The following FAM131B variants were observed in gnomAD, a reference collection of about 807,000 sequenced individuals.
FAM131B encodes protein FAM131B.
Under a neutral mutation model 42.0 loss-of-function variants are expected in FAM131B, and 19 were observed. The ratio of observed to expected loss-of-function variants is 0.45; its 90% CI spans 0.32 to 0.66. The LOEUF is 0.66. Among genes scored for constraint, FAM131B ranks in the 30% least tolerant of loss-of-function variants. FAM131B has a pLI of 0.05. For missense variants in FAM131B, 370 were observed against 468.4 expected, an observed-to-expected ratio of 0.79 and a Z score of 1.94; for synonymous variants, 183 against 177.6, an observed-to-expected ratio of 1.03 and a Z score of -0.24.
chr7:143,379,607 G>T, the FAM131B span: 2 of 152,208 alleles, frequency 1.3e-5, no homozygotes, highest in African/African-American at 4.8e-5. Flanking sequence ...GACATATGGG[G>T]GAAAACGCCT....
chr7:143,360,268 C>A, intron 1 of FAM131B, 119 bp from the exon 2 acceptor site: 1 of 1,492,410 alleles, frequency 6.7e-7, no homozygotes. Context: ...TCTTATATCC[C>A]TGCACTCTCC....
the FAM131B span, chr7:143,380,729 CAG>C: frequency 2.0e-6 from 2 of 985,474 alleles, no homozygotes; most frequent in South Asian, 4.7e-5. The surrounding 1 kb of genome is among the most constrained non-coding windows in gnomAD (Gnocchi z 5.0). Flanking sequence ...CCTCCGGGCA[CAG>C]AGTCAGCTGG....
chr7:143,362,936 C>G (rs867485874), upstream of FAM131B, among the ~76,000 whole-genome samples: 41 of 151,964 alleles, frequency 2.7e-4, no homozygotes, highest in Middle Eastern at 3.4e-3. This position sits in a 1 kb window ranked among gnomAD's most constrained non-coding sequence, Gnocchi z 7.7. Context: ...TCGCCGCCCC[C>G]CTCCTCCCGC....
At chr7:143,380,906 C>A in the FAM131B span, 1 of 571,192 alleles carries the variant, frequency 1.8e-6, no homozygotes, top group African/African-American at 2.0e-5. The surrounding 1 kb of genome is among the most constrained non-coding windows in gnomAD (Gnocchi z 5.0). Context: ...GGTCGCTGGG[C>A]CGGGCCGGAG....
At chr7:143,364,660 A>G (rs933683912), upstream of FAM131B, among the ~76,000 whole-genome samples, 1 of 151,982 alleles carries the variant, frequency 6.6e-6, no homozygotes, top group African/African-American at 2.4e-5. Flanking sequence ...GTCCCTCCCC[A>G]CTACCCACAC....
chr7:143,373,511 A>C, the FAM131B span, among the ~76,000 whole-genome samples: 2 of 152,218 alleles, frequency 1.3e-5, no homozygotes, highest in Non-Finnish European at 2.9e-5. Flanking sequence ...TATAGCAATG[A>C]GAGTTCAAAG....
chr7:143,381,636 C>T, the FAM131B span: 4 of 1,612,380 alleles, frequency 2.5e-6, no homozygotes, highest in East Asian at 8.9e-5. Context: ...TTTTACGCCC[C>T]GCAGAAGAAG....
At chr7:143,373,617 A>T in the FAM131B span, among the ~76,000 whole-genome samples, 1 of 152,150 alleles carries the variant, frequency 6.6e-6, no homozygotes, top group Non-Finnish European at 1.5e-5. Context: ...GATCCAGGTT[A>T]GAATAAGAAG....
chr7:143,360,556 G>A (rs1462474264), intron 1 of FAM131B: 2 of 291,002 alleles, frequency 6.9e-6, no homozygotes, highest in African/African-American at 2.3e-5. Context: ...TGGAAGGGAT[G>A]TGTCTCCCCC....
At chr7:143,368,581 A>G in the FAM131B span, among the ~76,000 whole-genome samples, 3 of 152,286 alleles carry the variant, frequency 2.0e-5, no homozygotes, top group Non-Finnish European at 4.4e-5. Flanking sequence ...CTGTATGCAC[A>G]TTCCTCTAGG....
the FAM131B span, among the ~76,000 whole-genome samples, chr7:143,370,240 C>A: frequency 2.0e-5 from 3 of 152,134 alleles, no homozygotes; most frequent in Admixed American, 6.5e-5. Context: ...TCTCTCACAG[C>A]CAAAATTTTT....
At position 143,359,889 on chromosome 7, in the gene FAM131B, C is replaced by T; in HGVS notation, c.139-122G>A. 1 of 1,062,254 alleles carries T rather than the reference C, an allele frequency of 9.4e-7. No individual in the cohort carries two copies. 65.8% of individuals were successfully genotyped at this position (1,062,254 alleles called of 1,614,324 possible). On this transcript the variant is annotated intron_variant, in intron 2 of 6. Transcript: ENST00000443739. The surrounding 1 kb of genome is among the most constrained non-coding windows in gnomAD (Gnocchi z 5.4). ...GGGGAGGGCTTTCCTGAGGTTGATG[C>T]CGCTAACTGGGTTCTCCATGTGGAC...
the FAM131B span, among the ~76,000 whole-genome samples, chr7:143,375,579 C>G: frequency 6.6e-6 from 1 of 152,170 alleles, no homozygotes; most frequent in East Asian, 1.9e-4. Context: ...CAGAAGCACC[C>G]ACTTCCTGTG....
the FAM131B span, among the ~76,000 whole-genome samples, chr7:143,371,582 C>A: frequency 7.2e-6 from 1 of 138,364 alleles, no homozygotes; most frequent in Non-Finnish European, 1.5e-5. Context: ...CCATTGCACT[C>A]CAGCCTGGGC....
At chr7:143,382,125 T>G in the FAM131B span, 1 of 855,204 alleles carries the variant, frequency 1.2e-6, no homozygotes, top group Non-Finnish European at 1.8e-6. Context: ...CCTCCTTTGC[T>G]TCCCCACACG....
Position 143,356,324 on chromosome 7 carries a change from CG to C in FAM131B, c.*225del. On this transcript the variant is annotated 3_prime_UTR_variant, in exon 7 of 7. Coordinates refer to ENST00000443739, the MANE Select transcript of FAM131B (RefSeq NM_001031690.3). This position sits in a 1 kb window ranked among gnomAD's most constrained non-coding sequence, Gnocchi z 4.4. Reference sequence around the variant, plus strand: ...CTTCTCCACAGCCACACCAAGCTCACGGCCATCTAGTTGCCCAGGTCTCAGT... The same window carrying C: ...CTTCTCCACAGCCACACCAAGCTCACGCCATCTAGTTGCCCAGGTCTCAGT... 1 of 547,710 alleles carries C rather than the reference CG, an allele frequency of 1.8e-6. No homozygotes were observed. The highest frequency in any genetic ancestry group is 3.3e-6 in the Non-Finnish European group (1 of 306,266). 33.9% of individuals were successfully genotyped at this position (547,710 alleles called of 1,614,324 possible).
At position 143,356,228 on chromosome 7, in the gene FAM131B, C is replaced by T. The variant is rs979292753; in HGVS notation, c.*322G>A. 1 of 351,286 alleles carries T rather than the reference C, an allele frequency of 2.8e-6. No homozygotes were observed. Among genetic ancestry groups the T allele is most frequent in the African/African-American group, 2.1e-5 (1 of 48,654 alleles). 21.8% of individuals were successfully genotyped at this position (351,286 alleles called of 1,614,324 possible). A position where few individuals can be genotyped will look rare whatever the true frequency, so the allele number is the denominator to read the frequency against. ...AGATCCAGTCTTGAGCACAGCTGCG[C>T]TGCCCCCGTCCTCAGGGTGCACACA... On this transcript the variant is annotated 3_prime_UTR_variant, in exon 7 of 7. Transcript: ENST00000443739. The surrounding 1 kb of genome is among the most constrained non-coding windows in gnomAD (Gnocchi z 4.4).
chr7:143,381,700 C>T, the FAM131B span: 1,540 of 1,605,438 alleles, frequency 9.6e-4, 2 homozygotes, highest in Admixed American at 1.4e-3. Flanking sequence ...GGCCCGGGGA[C>T]AGCGAGCCTC....
Position 143,359,833 on chromosome 7 carries a change from C to T in FAM131B, c.139-66G>A. On this transcript the variant is annotated intron_variant, in intron 2 of 6. Coordinates refer to ENST00000443739, the MANE Select transcript of FAM131B (RefSeq NM_001031690.3). The surrounding 1 kb of genome is among the most constrained non-coding windows in gnomAD (Gnocchi z 5.4). ...CGCAGGAATGCAAGGAAGCCCCCTT[C>T]CTCAGAGGGCCTTCCAGGAGTGCGG... is the stretch of plus-strand genomic sequence containing the variant. The T allele has an allele frequency of 1.4e-6, 2 of 1,440,168 alleles. No individual in the cohort carries two copies. The highest frequency in any genetic ancestry group is 1.9e-6 in the Non-Finnish European group (2 of 1,047,300). 89.2% of individuals were successfully genotyped at this position (1,440,168 alleles called of 1,614,324 possible).
Sources: allele counts gnomAD v4.1 joint callset (sites outside exome capture counted in the v4.1 genomes callset), GRCh38; gene constraint gnomAD v4.1.1; non-coding constraint Gnocchi (gnomAD v3.1); transcripts MANE v1.5; gene names NCBI Gene and HGNC (gene_info 2026-07-23, HGNC 2026-07-21).